SLC44A1: variants seen among roughly 807,000 people sequenced by gnomAD.
SLC44A1 encodes the protein solute carrier family 44 member 1.
A neutral mutation model predicts 79.3 loss-of-function variants in SLC44A1; 26 were observed. The observed-to-expected ratio is 0.33, with a 90% confidence interval of 0.24 to 0.46. SLC44A1 has a LOEUF of 0.46. Among genes scored for constraint, SLC44A1 ranks in the 20% least tolerant of loss-of-function variants. The pLI is 1.00. For missense variants in SLC44A1, 688 were observed against 798.1 expected (o/e 0.86, Z 1.66); for synonymous variants, 263 against 286.2 (o/e 0.92, Z 0.82).
At chr9:105,277,672 C>T (rs1251839542) in intron 1 of SLC44A1, among the ~76,000 whole-genome samples, 3 of 152,284 alleles carry the variant, frequency 2.0e-5, no homozygotes, top group South Asian at 4.1e-4. Context: ...AACAATAGGG[C>T]TGATGGGAGT....
intron 1 of SLC44A1, among the ~76,000 whole-genome samples, chr9:105,265,779 G>A (rs1829947938): frequency 6.6e-6 from 1 of 152,196 alleles, no homozygotes; most frequent in Non-Finnish European, 1.5e-5. Flanking sequence ...TGAGCACTTG[G>A]TATTGTCAGT....
rs1830831878 is a variant in SLC44A1, at chr9:105,299,943, A to C, written c.126+634A>C. ...AGCAGAGTTGCTGGTATAAGGTATT[A>C]AGGATGTGCACATTCAATTGCATAC... is the stretch of plus-strand genomic sequence containing the variant. On this transcript the variant is annotated intron_variant, in intron 2 of 15. Transcript: ENST00000374720. The C allele has an allele frequency of 1.3e-5, 13 of 985,274 alleles. No homozygotes were observed. The South Asian group carries it at 5.6e-4, about 43-fold the overall frequency. The allele number at this position is 985,274 out of a possible 1,614,324, so 61.0% of individuals were successfully genotyped here.
intron 4 of SLC44A1, among the ~76,000 whole-genome samples, chr9:105,339,077 A>C (rs1411002173): frequency 6.6e-6 from 1 of 152,220 alleles, no homozygotes; most frequent in Non-Finnish European, 1.5e-5. Context: ...AAGCACAGGC[A>C]ACAAAAGAAA....
At chr9:105,388,627 G>A (rs896404178) in intron 15 of SLC44A1, among the ~76,000 whole-genome samples, 2 of 152,126 alleles carry the variant, frequency 1.3e-5, no homozygotes, top group Non-Finnish European at 2.9e-5. Flanking sequence ...AGAGAGGCTC[G>A]CTAGTTAAGG....
At chr9:105,304,740 C>T (rs1489420734) in intron 2 of SLC44A1, among the ~76,000 whole-genome samples, 1 of 151,984 alleles carries the variant, frequency 6.6e-6, no homozygotes, top group Non-Finnish European at 1.5e-5. Flanking sequence ...GTGTTCATGG[C>T]AAAGTGAGGG....
intron 2 of SLC44A1, among the ~76,000 whole-genome samples, chr9:105,305,889 G>T (rs1406040859): frequency 1.4e-4 from 14 of 98,364 alleles, no homozygotes; most frequent in African/African-American, 5.4e-4. Flanking sequence ...ATAAAACTAA[G>T]CAAAAGCCCT....
intron 1 of SLC44A1, among the ~76,000 whole-genome samples, chr9:105,250,381 TAC>T (rs1347633258): frequency 6.6e-6 from 1 of 152,174 alleles, no homozygotes; most frequent in Non-Finnish European, 1.5e-5. Context: ...GTGTTAACAG[TAC>T]AGTCATTTAA....
At chr9:105,299,177 A>G in intron 1 of SLC44A1, 43 bp from the exon 2 acceptor site, 1 of 1,435,308 alleles carries the variant, frequency 7.0e-7, no homozygotes, top group Non-Finnish European at 9.6e-7. Flanking sequence ...AACTTTAACT[A>G]AACTTAGCAT....
intron 15 of SLC44A1, chr9:105,386,106 AGTTTAATT>A: frequency 1.0e-6 from 1 of 984,712 alleles, no homozygotes; most frequent in Non-Finnish European, 1.2e-6. Flanking sequence ...GTCTTCTCCC[AGTTTAATT>A]GTGAGATGGA....
Position 105,395,701 on chromosome 9 carries a change from A to G in SLC44A1, c.*6645A>G. ...CTTCGTGTATGAATCTGATCCACCC[A>G]TCCTGTCAGCTAGGATTATAATTTG... On this transcript the variant is annotated 3_prime_UTR_variant, in exon 16 of 16. Transcript: ENST00000374720. 1.0e-6 allele frequency: 1 copy of G among 985,366 alleles called. No homozygotes were observed. Among genetic ancestry groups the G allele is most frequent in the Non-Finnish European group, 1.2e-6 (1 of 829,898 alleles). The allele number at this position is 985,366 out of a possible 1,614,324, so 61.0% of individuals were successfully genotyped here.
intron 12 of SLC44A1, among the ~76,000 whole-genome samples, chr9:105,371,293 C>A (rs1828090402): frequency 6.6e-6 from 1 of 152,144 alleles, no homozygotes; most frequent in Admixed American, 6.5e-5. Flanking sequence ...CTGTGAGGGA[C>A]CAGAGAGTAA....
chr9:105,279,641 C>G (rs1307701242), intron 1 of SLC44A1, among the ~76,000 whole-genome samples: 1 of 152,116 alleles, frequency 6.6e-6, no homozygotes, highest in East Asian at 1.9e-4. Context: ...TTAATAAGAT[C>G]CACTGTCTTA....
At chr9:105,262,708 T>C (rs1312986094) in intron 1 of SLC44A1, among the ~76,000 whole-genome samples, 1 of 152,176 alleles carries the variant, frequency 6.6e-6, no homozygotes, top group Non-Finnish European at 1.5e-5. Context: ...GTGACCTGTT[T>C]AGTGTTCCAT....
intron 2 of SLC44A1, among the ~76,000 whole-genome samples, chr9:105,307,901 GA>G (rs1393826059): frequency 6.6e-6 from 1 of 152,206 alleles, no homozygotes; most frequent in Non-Finnish European, 1.5e-5. Context: ...GGAGTCAGGA[GA>G]GGGGGAGAGG....
At chr9:105,409,204 G>A (rs566222771) in intron 15 of SLC44A1, among the ~76,000 whole-genome samples, 17 of 152,188 alleles carry the variant, frequency 1.1e-4, no homozygotes, top group South Asian at 4.1e-4. Flanking sequence ...CTCAATTTAC[G>A]TCCAAAGACA....
intron 13 of SLC44A1, among the ~76,000 whole-genome samples, chr9:105,376,343 AC>A (rs1564467273): frequency 7.6e-6 from 1 of 131,342 alleles, no homozygotes; most frequent in Admixed American, 7.1e-5. Context: ...ACACACACAC[AC>A]ACACACTACA....
chr9:105,351,444 G>C, intron 5 of SLC44A1, among the ~76,000 whole-genome samples: 1 of 151,794 alleles, frequency 6.6e-6, no homozygotes, highest in East Asian at 1.9e-4. Context: ...TGAGACATGA[G>C]AATCGCTTGA....
intron 5 of SLC44A1, among the ~76,000 whole-genome samples, chr9:105,351,644 AAGAAAG>A (rs1827443832): frequency 2.8e-5 from 4 of 141,490 alleles, no homozygotes; most frequent in African/African-American, 1.1e-4. Flanking sequence ...GAAAGAAAGA[AAGAAAG>A]AAAGAAAGAA....
Position 105,281,568 on chromosome 9 carries a change from G to GAT in SLC44A1, c.37-17649_37-17648dup, listed in dbSNP as rs940450840. Among the ~76,000 whole-genome samples, 44 of 152,248 alleles carry GAT rather than the reference G, an allele frequency of 2.9e-4. 1 individual carries two copies. Among genetic ancestry groups the GAT allele is most frequent in the African/African-American group, 1.0e-3 (43 of 41,540 alleles). On this transcript the variant is annotated intron_variant, in intron 1 of 15. Transcript: ENST00000374720. ...TGTCTGATACGGGCCAGGCAGACATGATATCGTCTGGAAGGGAGGTTTGAA... is the reference window on the plus strand; with the variant it reads ...TGTCTGATACGGGCCAGGCAGACATGATATATCGTCTGGAAGGGAGGTTTGAA...
Sources: gnomAD v4.1 joint callset for allele counts (sites outside exome capture counted in the v4.1 genomes callset) on GRCh38, gnomAD v4.1.1 for gene constraint, MANE v1.5 for transcripts, NCBI Gene and HGNC (gene_info 2026-07-23, HGNC 2026-07-21) for gene names.